CADM2: variants seen among roughly 807,000 people sequenced by gnomAD.
CADM2 encodes the protein immunoglobulin superfamily member 4D.
A neutral mutation model predicts 49.8 loss-of-function variants in CADM2; 12 were observed. The ratio of observed to expected loss-of-function variants is 0.24; its 90% CI spans 0.15 to 0.39. The LOEUF is 0.39. CADM2 is among the 10% of genes least tolerant of loss of function. The pLI, the probability that CADM2 is intolerant of heterozygous loss-of-function variation, is 1.00. For synonymous variants in CADM2, 214 were observed against 175.4 expected, an observed-to-expected ratio of 1.22 and a Z score of -1.74; for missense variants, 378 against 492.3, an observed-to-expected ratio of 0.77 and a Z score of 2.20.
intron 1 of CADM2, among the ~76,000 whole-genome samples, chr3:85,380,434 G>A (rs2033837724): frequency 6.6e-6 from 1 of 151,904 alleles, no homozygotes; most frequent in African/African-American, 2.4e-5. Flanking sequence ...TTAGAGTGTA[G>A]AAGTTAATTT....
At chr3:85,276,945 A>G (rs1369673270) in intron 1 of CADM2, among the ~76,000 whole-genome samples, 1 of 151,376 alleles carries the variant, frequency 6.6e-6, no homozygotes, top group South Asian at 2.1e-4. Flanking sequence ...AATTTCATTT[A>G]ATACATGTAT....
intron 8 of CADM2, among the ~76,000 whole-genome samples, chr3:85,984,178 GTA>G (rs2108679153): frequency 6.7e-6 from 1 of 149,882 alleles, no homozygotes; most frequent in Non-Finnish European, 1.5e-5. Flanking sequence ...GTGCACATAT[GTA>G]CACATATATT....
chr3:85,428,769 T>G (rs1479454638), intron 1 of CADM2, among the ~76,000 whole-genome samples: 2 of 150,434 alleles, frequency 1.3e-5, no homozygotes, highest in African/African-American at 4.9e-5. Context: ...TGAAAGGCAT[T>G]TACGTGTCAA....
At chr3:85,474,140 G>C (rs191060064) in intron 1 of CADM2, among the ~76,000 whole-genome samples, 1 of 151,606 alleles carries the variant, frequency 6.6e-6, no homozygotes, top group East Asian at 1.9e-4. Context: ...AGAACCAACA[G>C]GAGGTTTGTG....
chr3:84,967,187 A>G (rs2031064471), intron 1 of CADM2, among the ~76,000 whole-genome samples: 1 of 152,136 alleles, frequency 6.6e-6, no homozygotes, highest in Non-Finnish European at 1.5e-5. Flanking sequence ...GCTATAATTT[A>G]TAAAGCCAAT....
chr3:84,963,323 C>G (rs2030713652), intron 1 of CADM2, among the ~76,000 whole-genome samples: 1 of 152,136 alleles, frequency 6.6e-6, no homozygotes, highest in South Asian at 2.1e-4. Flanking sequence ...ATTGCTAACC[C>G]TTGCTGAAAC....
chr3:85,494,754 A>G (rs527993867), intron 1 of CADM2, among the ~76,000 whole-genome samples: 1 of 152,244 alleles, frequency 6.6e-6, no homozygotes, highest in Non-Finnish European at 1.5e-5. Flanking sequence ...CTTAGCCTTT[A>G]ATTAACATAA....
chr3:85,477,139 C>T (rs918495632), intron 1 of CADM2, among the ~76,000 whole-genome samples: 3 of 151,560 alleles, frequency 2.0e-5, no homozygotes, highest in South Asian at 2.1e-4. Context: ...TCCCAAACCT[C>T]GAGAGGCAAG....
At chr3:85,316,505 C>G (rs1316229951) in intron 1 of CADM2, among the ~76,000 whole-genome samples, 1 of 152,116 alleles carries the variant, frequency 6.6e-6, no homozygotes, top group East Asian at 1.9e-4. Flanking sequence ...CACACTGAAT[C>G]TGCATTTTGG....
At chr3:85,964,766 A>G (rs1039224245) in intron 8 of CADM2, among the ~76,000 whole-genome samples, 2 of 151,826 alleles carry the variant, frequency 1.3e-5, no homozygotes, top group Admixed American at 1.3e-4. Flanking sequence ...ACATTTTATG[A>G]ACAAGCTTGG....
At chr3:85,438,882 C>G (rs1434338007) in intron 1 of CADM2, among the ~76,000 whole-genome samples, 1 of 151,978 alleles carries the variant, frequency 6.6e-6, no homozygotes, top group African/African-American at 2.4e-5. Context: ...GAAATAGGCT[C>G]TCACTATGTT....
chr3:86,030,109 G>T (rs1381446942), intron 8 of CADM2, among the ~76,000 whole-genome samples: 1 of 151,952 alleles, frequency 6.6e-6, no homozygotes, highest in East Asian at 1.9e-4. Context: ...GCTTGAAAAA[G>T]ACCACTTGAA....
At chr3:85,898,937 G>GTGTGCATATATATATATATA (rs796467067) in intron 5 of CADM2, among the ~76,000 whole-genome samples, 1 of 46,680 alleles carries the variant, frequency 2.1e-5, no homozygotes, top group Admixed American at 3.5e-4. Flanking sequence ...CATTTATTGT[G>GTGTGCATATATATATATATA]TATATATATA....
intron 1 of CADM2, among the ~76,000 whole-genome samples, chr3:85,258,539 G>C (rs2042941269): frequency 6.6e-6 from 1 of 151,812 alleles, no homozygotes; most frequent in Non-Finnish European, 1.5e-5. Flanking sequence ...TTGCATGCTG[G>C]TTGAGTTTCT....
At chr3:85,382,890 C>G (rs189282302) in intron 1 of CADM2, among the ~76,000 whole-genome samples, 1 of 152,126 alleles carries the variant, frequency 6.6e-6, no homozygotes, top group Non-Finnish European at 1.5e-5. Context: ...CCAACACTTA[C>G]GAGTGCTGTT....
At chr3:85,901,755 A>G (rs925559267) in intron 5 of CADM2, among the ~76,000 whole-genome samples, 4 of 152,176 alleles carry the variant, frequency 2.6e-5, no homozygotes, top group Non-Finnish European at 5.9e-5. Context: ...TCAAATTTTT[A>G]TGATTCTACA....
At chr3:85,705,958 T>C (rs2066934763) in intron 1 of CADM2, among the ~76,000 whole-genome samples, 1 of 152,192 alleles carries the variant, frequency 6.6e-6, no homozygotes, top group Non-Finnish European at 1.5e-5. Context: ...AAAATGTGTC[T>C]GTGAAATAGG....
intron 6 of CADM2, among the ~76,000 whole-genome samples, chr3:85,918,453 C>T (rs752340091): frequency 6.6e-6 from 1 of 152,112 alleles, no homozygotes; most frequent in Non-Finnish European, 1.5e-5. Context: ...TGCTGGATTA[C>T]ATTTATTGAT....
chr3:85,750,592 A>G (rs1435659491), intron 2 of CADM2, among the ~76,000 whole-genome samples: 1 of 152,284 alleles, frequency 6.6e-6, no homozygotes, highest in African/African-American at 2.4e-5. Context: ...AATACAACAA[A>G]GAAAATATTT....
Sources: allele counts gnomAD v4.1 joint callset (sites outside exome capture counted in the v4.1 genomes callset), GRCh38; gene constraint gnomAD v4.1.1; transcripts MANE v1.5; gene names NCBI Gene and HGNC (gene_info 2026-07-23, HGNC 2026-07-21).